The following COQ3 variants were observed in gnomAD, a reference collection of about 807,000 sequenced individuals.
COQ3 encodes ubiquinone biosynthesis O-methyltransferase, mitochondrial.
In COQ3, 29 loss-of-function variants were observed where a neutral mutation model predicts 33.1. That is an observed-to-expected ratio of 0.88 (90% CI 0.65 to 1.19). COQ3 has a LOEUF of 1.19. Ranked by LOEUF, COQ3 falls within the 50% of genes most tolerant of loss-of-function variation. COQ3 has a pLI of 0.00. For synonymous variants in COQ3, 173 were observed against 157.8 expected, an observed-to-expected ratio of 1.10 and a Z score of -0.72; for missense variants, 437 against 430.7, an observed-to-expected ratio of 1.01 and a Z score of -0.13.
intron 3 of COQ3, among the ~76,000 whole-genome samples, chr6:99,378,697 C>A (rs1240571518): frequency 1.3e-5 from 2 of 152,128 alleles, no homozygotes; most frequent in Non-Finnish European, 2.9e-5. Context: ...AGGGCCTACA[C>A]TTTGAGACCC....
At chr6:99,373,485 G>A (rs911007129) in intron 5 of COQ3, among the ~76,000 whole-genome samples, 1 of 150,638 alleles carries the variant, frequency 6.6e-6, no homozygotes, top group Non-Finnish European at 1.5e-5. Context: ...CTACATACTC[G>A]TACTTTAAGG....
chr6:99,380,326 T>C lies in COQ3; in HGVS notation c.249A>G (p.Arg83=), dbSNP rs756169853. The C allele has an allele frequency of 6.2e-7, 1 of 1,613,556 alleles. No homozygotes were observed. The highest frequency in any genetic ancestry group is 2.2e-5 in the East Asian group (1 of 44,872). The change falls in exon 3 of 7, where the codon AGA becomes AGG. Residue 83 remains arginine, a synonymous_variant. Transcript: ENST00000254759. ...CAGTGGTTTGGGAAGTACTGTACAG[T>C]CTCGCCCAAGGGTACCTAAAAGGTG... ...RIKSFRYPWA[R]LYSTSQTTVD...
chr6:99,392,492 G>A lies in COQ3; in HGVS notation c.106+1582C>T, dbSNP rs147678795. On this transcript the variant is annotated intron_variant, in intron 1 of 6. Coordinates refer to ENST00000254759, the MANE Select transcript of COQ3 (RefSeq NM_017421.4). ...TCATGAATGTGTCATGGCCAAAAAG[G>A]CCTCTTCCTCATCCCTTGCCACCCC... 6.6e-5 allele frequency among the ~76,000 whole-genome samples: 10 copies of A among 152,238 alleles called. No homozygotes were observed. The South Asian group carries it at 1.9e-3, about 28-fold the overall frequency.
chr6:99,377,917 C>T (rs1359754747), intron 3 of COQ3, among the ~76,000 whole-genome samples: 1 of 151,228 alleles, frequency 6.6e-6, no homozygotes, highest in East Asian at 1.9e-4. Flanking sequence ...GTCTATATTC[C>T]CTTCAAAATA....
chr6:99,373,432 G>GAA (rs777703639), intron 5 of COQ3, among the ~76,000 whole-genome samples: 69 of 122,756 alleles, frequency 5.6e-4, no homozygotes, highest in African/African-American at 1.9e-3. Flanking sequence ...TCCTGTCTCT[G>GAA]AAAAAAAAAA....
At position 99,383,730 on chromosome 6, in the gene COQ3, G is replaced by T. The variant is rs1469222261; in HGVS notation, c.201C>A (p.Ile67=). The change falls in exon 2 of 7, where the codon ATC becomes ATA. Residue 67 remains isoleucine (I), a synonymous_variant. Transcript: ENST00000254759. ...TCTTTATTCTGTTCAAACAGGAAAAGATCGTCCTGTAGGATTTGAACCATA... is the reference window on the plus strand; with the variant it reads ...TCTTTATTCTGTTCAAACAGGAAAATATCGTCCTGTAGGATTTGAACCATA... ...RTIWFKSYRT[I]FSCLNRIKSF... 1.9e-6 allele frequency: 3 copies of T among 1,602,626 alleles called. No individual in the cohort carries two copies. Among genetic ancestry groups the T allele is most frequent in the Admixed American group, 1.7e-5 (1 of 57,768 alleles).
intron 5 of COQ3, among the ~76,000 whole-genome samples, chr6:99,374,122 CAAA>C (rs146515261): frequency 6.9e-5 from 6 of 86,450 alleles, no homozygotes; most frequent in East Asian, 3.5e-4. Flanking sequence ...CTGACATTAG[CAAA>C]AAAAAAAAAA....
intron 2 of COQ3, 55 bp downstream of exon 2, chr6:99,383,643 A>G (rs1237345086): frequency 1.5e-6 from 2 of 1,362,276 alleles, no homozygotes; most frequent in Non-Finnish European, 1.0e-6. Flanking sequence ...AGATAATACT[A>G]AAAACCTATT....
rs1485294623 is a variant in COQ3, at chr6:99,394,120, A to G, written c.60T>C (p.Pro20=). 3 of 1,613,518 alleles carry G rather than the reference A, an allele frequency of 1.9e-6. No homozygotes were observed. The highest frequency in any genetic ancestry group is 2.7e-5 in the African/African-American group (2 of 74,952). Residue 20 remains proline (P), a synonymous_variant, in exon 1 of 7, where the codon CCT becomes CCC. Coordinates refer to ENST00000254759, the MANE Select transcript of COQ3 (RefSeq NM_017421.4). ...GCGCAGCTTTTGTATTACAGCCTCC[A>G]GGCCCCAGCACTCTTAAAAACCAAC... ...SGGWFLRVLG[P]GGCNTKAARP...
chr6:99,370,212 T>C (rs975840454), intron 6 of COQ3, among the ~76,000 whole-genome samples: 9 of 152,302 alleles, frequency 5.9e-5, no homozygotes, highest in African/African-American at 1.9e-4. Flanking sequence ...GCACAATGCT[T>C]GGAGTTTGGT....
At chr6:99,383,903 T>C (rs1774544249) in intron 1 of COQ3, 79 bp from the exon 2 acceptor site, 2 of 1,122,222 alleles carry the variant, frequency 1.8e-6, no homozygotes. Context: ...GAAGATTCTA[T>C]TTTATTTTAT....
chr6:99,385,162 A>C (rs1050724770), intron 1 of COQ3, among the ~76,000 whole-genome samples: 2 of 152,232 alleles, frequency 1.3e-5, no homozygotes, highest in Non-Finnish European at 2.9e-5. Context: ...ATAAAGACTC[A>C]CAGAAATGAA....
Position 99,377,911 on chromosome 6 carries a change from A to G in COQ3, c.387-426T>C, listed in dbSNP as rs1774341090. ...AGACCTATATTTTCAGAATTTGTCT[A>G]TATTCCCTTCAAAATAAAATTTCTT... On this transcript the variant is annotated intron_variant, in intron 3 of 6. Transcript: ENST00000254759. Among the ~76,000 whole-genome samples, 3 of 151,774 alleles carry G rather than the reference A, an allele frequency of 2.0e-5. No homozygotes were observed. In the South Asian group the frequency reaches 6.2e-4, roughly 31 times the overall value.
At chr6:99,372,032 T>C (rs1193459730) in intron 5 of COQ3, among the ~76,000 whole-genome samples, 1 of 152,242 alleles carries the variant, frequency 6.6e-6, no homozygotes, top group African/African-American at 2.4e-5. Context: ...AGGGAAGTAC[T>C]ACCAATAAGT....
At chr6:99,371,252 A>T (rs11154802) in intron 6 of COQ3, among the ~76,000 whole-genome samples, 176 bp downstream of exon 6, 19,103 of 152,182 alleles carry the variant, frequency 0.13, 1,683 homozygotes, top group Non-Finnish European at 0.18. Context: ...GAGAAGTGGT[A>T]TCTACTACTT....
chr6:99,380,469 T>C (rs1317468997), intron 2 of COQ3, 128 bp from the exon 3 acceptor site: 10 of 983,290 alleles, frequency 1.0e-5, no homozygotes, highest in Non-Finnish European at 1.3e-5. Flanking sequence ...CTGCTCAATA[T>C]TGATGCTTTA....
chr6:99,388,928 CA>C (rs1562210420), intron 1 of COQ3, among the ~76,000 whole-genome samples: 23,866 of 124,034 alleles, frequency 0.19, 2,168 homozygotes, highest in East Asian at 0.45. Context: ...CACACACACA[CA>C]CACACCCACA....
At chr6:99,393,773 A>G (rs1774892495) in intron 1 of COQ3, among the ~76,000 whole-genome samples, 1 of 152,278 alleles carries the variant, frequency 6.6e-6, no homozygotes, top group African/African-American at 2.4e-5. Context: ...CATGACCTTC[A>G]GACTGCAGCA....
chr6:99,378,157 T>TATA (rs1774360584), intron 3 of COQ3, among the ~76,000 whole-genome samples: 1 of 28,880 alleles, frequency 3.5e-5, no homozygotes, highest in Non-Finnish European at 7.2e-5. Context: ...TATATATATA[T>TATA]TTAGAGAGAG....
Sources: gnomAD v4.1 joint callset for allele counts (sites outside exome capture counted in the v4.1 genomes callset) on GRCh38, gnomAD v4.1.1 for gene constraint, MANE v1.5 for transcripts, NCBI Gene and HGNC (gene_info 2026-07-23, HGNC 2026-07-21) for gene names.